RABGAP1L: variants seen among roughly 807,000 people sequenced by gnomAD.
RABGAP1L encodes RAB GTPase activating protein 1 like, also known as rab GTPase-activating protein 1-like.
In RABGAP1L, 63 loss-of-function variants were observed where a neutral mutation model predicts 137.7. The ratio of observed to expected loss-of-function variants is 0.46; its 90% CI spans 0.37 to 0.56. RABGAP1L has a LOEUF of 0.56. RABGAP1L is among the 20% of genes least tolerant of loss of function. The pLI is 0.00. For missense variants in RABGAP1L, 1,095 were observed against 1,244.0 expected (o/e 0.88, Z 1.80); for synonymous variants, 431 against 433.7 (o/e 0.99, Z 0.08).
chr1:174,558,051 A>C (rs1666990454), intron 13 of RABGAP1L, among the ~76,000 whole-genome samples: 1 of 152,248 alleles, frequency 6.6e-6, no homozygotes, highest in Non-Finnish European at 1.5e-5. Flanking sequence ...TATCCCCTGA[A>C]GGGGAATGGG....
chr1:174,409,365 T>C (rs1410202112), intron 13 of RABGAP1L, among the ~76,000 whole-genome samples: 2 of 152,228 alleles, frequency 1.3e-5, no homozygotes, highest in African/African-American at 4.8e-5. Flanking sequence ...TGTCTTACTT[T>C]AATCTCTTAA....
intron 7 of RABGAP1L, among the ~76,000 whole-genome samples, chr1:174,257,225 CACAG>C (rs1558076483): frequency 1.3e-5 from 2 of 152,124 alleles, no homozygotes. Flanking sequence ...TCTGTAGCAA[CACAG>C]ACAAAGAAGT....
At chr1:174,410,248 G>A (rs1649767862) in intron 13 of RABGAP1L, among the ~76,000 whole-genome samples, 1 of 152,122 alleles carries the variant, frequency 6.6e-6, no homozygotes, top group Non-Finnish European at 1.5e-5. Flanking sequence ...GACTTACGTT[G>A]AAATATTGGG....
chr1:174,272,536 G>A lies in RABGAP1L; in HGVS notation c.1053+56G>A. 2.1e-6 allele frequency: 3 copies of A among 1,416,536 alleles called. No individual in the cohort carries two copies. The South Asian group carries it at 5.6e-5, about 26-fold the overall frequency. 87.7% of individuals were successfully genotyped at this position (1,416,536 alleles called of 1,614,324 possible). On this transcript the variant is annotated intron_variant, in intron 8 of 25. Coordinates refer to ENST00000681986, the MANE Select transcript of RABGAP1L (RefSeq NM_001366446.1). ...TATAGATGATAGTTATTTTATATTT[G>A]ACAAGTATTTTCTATTTACAAATTT...
At chr1:174,546,635 C>A (rs1666030250) in intron 13 of RABGAP1L, among the ~76,000 whole-genome samples, 1 of 152,152 alleles carries the variant, frequency 6.6e-6, no homozygotes, top group Admixed American at 6.5e-5. Flanking sequence ...TCAGTCCTTG[C>A]TAGGTAAGGG....
intron 11 of RABGAP1L, among the ~76,000 whole-genome samples, chr1:174,312,608 C>T (rs1022345149): frequency 2.6e-5 from 4 of 152,138 alleles, no homozygotes; most frequent in African/African-American, 9.7e-5. Context: ...TAACTTGATA[C>T]GGTCTCATTT....
chr1:174,740,112 C>G (rs1009234562), intron 17 of RABGAP1L, among the ~76,000 whole-genome samples: 1 of 152,128 alleles, frequency 6.6e-6, no homozygotes, highest in Non-Finnish European at 1.5e-5. Context: ...GGAGTTGCTC[C>G]TGCTGGTGAT....
At chr1:174,240,272 A>G (rs1361232225) in intron 4 of RABGAP1L, among the ~76,000 whole-genome samples, 1 of 152,118 alleles carries the variant, frequency 6.6e-6, no homozygotes, top group Non-Finnish European at 1.5e-5. Flanking sequence ...TTTGAGACAC[A>G]GTTTCACTCT....
chr1:174,702,320 A>G (rs1017239874), intron 17 of RABGAP1L, 64 bp downstream of exon 17: 4 of 1,392,456 alleles, frequency 2.9e-6, no homozygotes, highest in East Asian at 5.1e-5. Context: ...AAATGGTTAC[A>G]GTTTTCTTCC....
intron 19 of RABGAP1L, among the ~76,000 whole-genome samples, chr1:174,931,989 G>GTTTTTTTTT (rs1558247691): frequency 2.1e-5 from 2 of 94,182 alleles, no homozygotes; most frequent in African/African-American, 4.4e-5. Context: ...CTGCTTTTTT[G>GTTTTTTTTT]GTTTTTTTTT....
At chr1:174,216,085 A>G (rs1669298309) in intron 1 of RABGAP1L, among the ~76,000 whole-genome samples, 2 of 152,230 alleles carry the variant, frequency 1.3e-5, no homozygotes, top group South Asian at 2.1e-4. Flanking sequence ...ATTGCTAAAA[A>G]TTGGAATAAT....
chr1:174,918,108 C>A (rs557286847), intron 19 of RABGAP1L, among the ~76,000 whole-genome samples: 11 of 108,248 alleles, frequency 1.0e-4, no homozygotes, highest in African/African-American at 6.1e-4. Context: ...ATATAAGAGG[C>A]CTTTATAATT....
Position 174,841,025 on chromosome 1 carries a change from C to T in RABGAP1L, c.2340+29065C>T, listed in dbSNP as rs542318664. ...AGTATAGCATTAAACATCCATAAAG[C>T]AGAAACTACAGAAAATATAAAGAAT... On this transcript the variant is annotated intron_variant, in intron 19 of 25. Transcript: ENST00000681986. Among the ~76,000 whole-genome samples, 320 of 152,066 alleles carry T rather than the reference C, an allele frequency of 2.1e-3. 1 individual carries two copies. The highest frequency in any genetic ancestry group is 7.4e-3 in the African/African-American group (309 of 41,498).
intron 15 of RABGAP1L, among the ~76,000 whole-genome samples, chr1:174,698,693 A>G (rs1310143553): frequency 1.3e-5 from 2 of 151,086 alleles, no homozygotes; most frequent in African/African-American, 4.8e-5. Flanking sequence ...TAAAGAGACA[A>G]CTCTTTATAT....
At chr1:174,398,608 A>T (rs1001787206) in intron 13 of RABGAP1L, among the ~76,000 whole-genome samples, 1 of 152,140 alleles carries the variant, frequency 6.6e-6, no homozygotes, top group Non-Finnish European at 1.5e-5. Context: ...CCAGTCTATC[A>T]CCCTTTTAAA....
At chr1:174,732,216 T>C (rs566542613) in intron 17 of RABGAP1L, among the ~76,000 whole-genome samples, 29 of 143,394 alleles carry the variant, frequency 2.0e-4, no homozygotes, top group Non-Finnish European at 3.6e-4. Flanking sequence ...AAAAAAAACA[T>C]GGATTGTTAG....
At chr1:174,962,202 C>A (rs1336585483) in intron 20 of RABGAP1L, among the ~76,000 whole-genome samples, 4 of 109,396 alleles carry the variant, frequency 3.7e-5, no homozygotes, top group African/African-American at 6.8e-5. Context: ...ATACACCCCC[C>A]CCCCACACAC....
intron 13 of RABGAP1L, among the ~76,000 whole-genome samples, chr1:174,609,432 T>C (rs4615901): frequency 0.21 from 31,904 of 152,102 alleles, 3,691 homozygotes; most frequent in Admixed American, 0.25. Context: ...TCATTGTTCC[T>C]CATGACATAC....
At chr1:174,221,355 C>T (rs920204347) in intron 3 of RABGAP1L, among the ~76,000 whole-genome samples, 191 bp downstream of exon 3, 2 of 152,156 alleles carry the variant, frequency 1.3e-5, no homozygotes, top group Non-Finnish European at 2.9e-5. Flanking sequence ...TCTTTGGGAA[C>T]AAAGACTATG....
Sources: gnomAD v4.1 joint callset for allele counts (sites outside exome capture counted in the v4.1 genomes callset) on GRCh38, gnomAD v4.1.1 for gene constraint, MANE v1.5 for transcripts, NCBI Gene and HGNC (gene_info 2026-07-23, HGNC 2026-07-21) for gene names.